Variants in MRTFB observed in about 807,000 individuals in gnomAD.
The protein encoded by MRTFB is myocardin related transcription factor B.
Under a neutral mutation model 104.2 loss-of-function variants are expected in MRTFB, and 29 were observed. That is an observed-to-expected ratio of 0.28 (90% CI 0.21 to 0.38). MRTFB has a LOEUF of 0.38. Among genes scored for constraint, MRTFB ranks in the 10% least tolerant of loss-of-function variants. The pLI, the probability that MRTFB is intolerant of heterozygous loss-of-function variation, is 1.00. For synonymous variants in MRTFB, 535 were observed against 519.5 expected, an observed-to-expected ratio of 1.03 and a Z score of -0.41; for missense variants, 1,270 against 1,341.6, an observed-to-expected ratio of 0.95 and a Z score of 0.83.
intron 6 of MRTFB, chr16:14,214,747 A>C (rs1390037862): frequency 1.3e-5 from 2 of 152,178 alleles, no homozygotes. Flanking sequence ...TATGATAGAG[A>C]AAAAACTCTC....
At chr16:14,256,592 G>T (rs1187221887) in intron 15 of MRTFB, among the ~76,000 whole-genome samples, 1 of 152,168 alleles carries the variant, frequency 6.6e-6, no homozygotes, top group East Asian at 1.9e-4. Flanking sequence ...ACATGGAGGG[G>T]CACTGAGGCC....
intron 2 of MRTFB, among the ~76,000 whole-genome samples, chr16:14,127,929 ATTT>A (rs67001306): frequency 4.7e-3 from 208 of 44,390 alleles, no homozygotes; most frequent in East Asian, 0.011. Context: ...ATATATATAT[ATTT>A]TTTTTTTTTT....
intron 15 of MRTFB, among the ~76,000 whole-genome samples, chr16:14,253,764 G>T (rs149349231): frequency 6.6e-6 from 1 of 152,162 alleles, no homozygotes; most frequent in Non-Finnish European, 1.5e-5. Context: ...CCTGAGTACC[G>T]AGGGAACGTA....
At position 14,176,811 on chromosome 16, in the gene MRTFB, GT is replaced by G. The variant is rs368708143; in HGVS notation, c.155-33431del. Among the ~76,000 whole-genome samples, 43 of 152,314 alleles carry G rather than the reference GT, an allele frequency of 2.8e-4. No individual in the cohort carries two copies. The East Asian group carries it at 6.9e-3, about 25-fold the overall frequency. On this transcript the variant is annotated intron_variant, in intron 3 of 16. Coordinates refer to ENST00000571589, the MANE Select transcript of MRTFB (RefSeq NM_001308142.2). Reference sequence around the variant, plus strand: ...ATAAATACAGTGCTGTAAAATGTGAGTGGCATATAAACAGTAACAACTAGCA... The same window carrying G: ...ATAAATACAGTGCTGTAAAATGTGAGGGCATATAAACAGTAACAACTAGCA...
chr16:14,097,201 C>T (rs1485748535), intron 2 of MRTFB, among the ~76,000 whole-genome samples: 1 of 152,170 alleles, frequency 6.6e-6, no homozygotes, highest in Non-Finnish European at 1.5e-5. Context: ...TACAACAATG[C>T]CAGACATAGA....
rs192671111 is a variant in MRTFB at position 14,215,664 on chromosome 16, C to G, written c.353-1462C>G. Among the ~76,000 whole-genome samples, 257 of 152,280 alleles carry G rather than the reference C, an allele frequency of 1.7e-3. 2 individuals are homozygous for G. Among genetic ancestry groups the G allele is most frequent in the Middle Eastern group, 6.8e-3 (2 of 294 alleles). On this transcript the variant is annotated intron_variant, in intron 6 of 16. Transcript: ENST00000571589. ...GTAATTCTTATGTTCTGATTCTCCCCAAGTATCATCTTGTATGGTTAGAAG... is the reference window on the plus strand; with the variant it reads ...GTAATTCTTATGTTCTGATTCTCCCGAAGTATCATCTTGTATGGTTAGAAG...
chr16:14,017,711 ATTTTTTTTT>A, the MRTFB span, among the ~76,000 whole-genome samples: 447 of 33,594 alleles, frequency 0.013, 26 homozygotes, highest in Middle Eastern at 0.1. Context: ...ATATATATAT[ATTTTTTTTT>A]TTTTTTTTTT....
chr16:14,143,403 G>A (rs893411593), intron 3 of MRTFB: 1 of 151,826 alleles, frequency 6.6e-6, no homozygotes, highest in Non-Finnish European at 1.5e-5. Flanking sequence ...AGAAGATAGG[G>A]CATAATTTTG....
At chr16:14,037,503 G>T in the MRTFB span, among the ~76,000 whole-genome samples, 1 of 152,148 alleles carries the variant, frequency 6.6e-6, no homozygotes, top group Admixed American at 6.5e-5. Flanking sequence ...TCCATTGAGA[G>T]TTCTTTTTAC....
chr16:14,198,625 TTCCAAACC>T (rs2040544660), intron 3 of MRTFB, among the ~76,000 whole-genome samples: 1 of 152,252 alleles, frequency 6.6e-6, no homozygotes, highest in Admixed American at 6.5e-5. Flanking sequence ...ACAGTGATTA[TTCCAAACC>T]TCCTTCACTG....
At chr16:14,048,573 G>T in the MRTFB span, among the ~76,000 whole-genome samples, 1 of 152,202 alleles carries the variant, frequency 6.6e-6, no homozygotes, top group African/African-American at 2.4e-5. Flanking sequence ...GGGCCAGAGT[G>T]TGCAGGGCCT....
intron 3 of MRTFB, among the ~76,000 whole-genome samples, chr16:14,157,617 T>G (rs1366796929): frequency 1.3e-5 from 2 of 152,162 alleles, no homozygotes; most frequent in Non-Finnish European, 2.9e-5. Context: ...GTAGTGGGCT[T>G]GGTGAGGGAG....
the MRTFB span, among the ~76,000 whole-genome samples, chr16:14,027,560 G>A: frequency 2.0e-5 from 3 of 152,216 alleles, no homozygotes; most frequent in East Asian, 5.8e-4. Context: ...TGAAGAAGGT[G>A]TGTAGTTGAG....
At position 14,261,398 on chromosome 16, in the gene MRTFB, C is replaced by G; in HGVS notation, c.3254C>G (p.Ser1085Cys). 1.2e-6 allele frequency: 2 copies of G among 1,613,008 alleles called. No homozygotes were observed. Among genetic ancestry groups the G allele is most frequent in the African/African-American group, 2.7e-5 (2 of 75,050 alleles). ...AGCACCACCGCGCCGAGCATGTTCT[C>G]TGCTGACTTTCTAGACCCACAGGAC... ...PLSTTAPSMF[S>C]ADFLDPQDLP... Residue 1085 changes from serine to cysteine, a missense_variant, in exon 17 of 17, where the codon TCT becomes TGT. This residue lies in a region of MRTFB where 1,144 missense variants were observed against 1,131.5 expected (regional missense o/e 1.01). Coordinates refer to ENST00000571589, the MANE Select transcript of MRTFB (RefSeq NM_001308142.2).
chr16:14,033,633 T>G, the MRTFB span, among the ~76,000 whole-genome samples: 19 of 150,232 alleles, frequency 1.3e-4, no homozygotes, highest in East Asian at 1.4e-3. Context: ...AGGTCAGGAG[T>G]TTGAAACCAG....
At chr16:14,062,976 G>A in the MRTFB span, among the ~76,000 whole-genome samples, 35,279 of 152,130 alleles carry the variant, frequency 0.23, 7,779 homozygotes, top group African/African-American at 0.57. Flanking sequence ...CAGGTGACAG[G>A]GCCGACATCA....
At chr16:14,172,170 C>G (rs925677316) in intron 3 of MRTFB, among the ~76,000 whole-genome samples, 1 of 152,100 alleles carries the variant, frequency 6.6e-6, no homozygotes, top group African/African-American at 2.4e-5. Flanking sequence ...CCCTGTGTCC[C>G]CACCCAATGA....
the MRTFB span, among the ~76,000 whole-genome samples, chr16:14,026,417 T>C: frequency 6.6e-6 from 1 of 152,190 alleles, no homozygotes; most frequent in East Asian, 1.9e-4. Context: ...ACTCAGAGCA[T>C]AGATATAAAA....
chr16:14,193,387 C>T (rs2151070344), intron 3 of MRTFB, among the ~76,000 whole-genome samples: 1 of 152,074 alleles, frequency 6.6e-6, no homozygotes, highest in South Asian at 2.1e-4. Context: ...CTTGCTCTCC[C>T]TCATCTCTCT....
Sources: allele counts gnomAD v4.1 joint callset (sites outside exome capture counted in the v4.1 genomes callset), GRCh38; gene constraint gnomAD v4.1.1; regional missense constraint gnomAD v4.1.1; transcripts MANE v1.5; gene names NCBI Gene and HGNC (gene_info 2026-07-23, HGNC 2026-07-21).